Variants in DPH6 observed in about 807,000 individuals in gnomAD.
DPH6 encodes diphthine--ammonia ligase.
In DPH6, 33 loss-of-function variants were observed where a neutral mutation model predicts 38.2. The ratio of observed to expected loss-of-function variants is 0.86; its 90% CI spans 0.65 to 1.15. The LOEUF is 1.15. Ranked by LOEUF, DPH6 falls within the 50% of genes most tolerant of loss-of-function variation. The pLI is 0.00. For missense variants in DPH6, 325 were observed against 320.0 expected, an observed-to-expected ratio of 1.02 and a Z score of -0.12; for synonymous variants, 108 against 103.0, an observed-to-expected ratio of 1.05 and a Z score of -0.30.
At chr15:35,252,108 C>T (rs2051679082) in intron 3 of DPH6, among the ~76,000 whole-genome samples, 1 of 152,176 alleles carries the variant, frequency 6.6e-6, no homozygotes, top group South Asian at 2.1e-4. Context: ...GCAACAAGAG[C>T]CAGAGTCCAT....
intron 3 of DPH6, among the ~76,000 whole-genome samples, chr15:35,223,633 C>T (rs988102943): frequency 5.3e-5 from 8 of 151,856 alleles, no homozygotes; most frequent in Non-Finnish European, 1.2e-4. Context: ...TTGCAGTGAG[C>T]GGAGATCGCG....
At chr15:35,383,130 T>A (rs11637407) in intron 6 of DPH6, among the ~76,000 whole-genome samples, 40,743 of 152,138 alleles carry the variant, frequency 0.27, 5,673 homozygotes, top group South Asian at 0.38. Context: ...AGCATTCTTT[T>A]ATTAGAAAAT....
chr15:35,410,993 G>C, intron 5 of DPH6, 97 bp from the exon 6 acceptor site: 1 of 1,053,790 alleles, frequency 9.5e-7, no homozygotes, highest in East Asian at 2.6e-5. Flanking sequence ...TAGAAAAGCA[G>C]TGTGTATATA....
In DPH6 at chr15:35,245,301, C is replaced by G. The variant is rs1481535554; in HGVS notation, n.201-24719G>C. On this transcript the variant is annotated intron_variant and non_coding_transcript_variant, in intron 3 of 3. Coordinates refer to the DPH6 transcript ENST00000560386. ...TCGCCCAGGCTGGAGTGCAGTGGTGCCATCTCGGCTCACTGCAAGCTCCGC... is the reference window on the plus strand; with the variant it reads ...TCGCCCAGGCTGGAGTGCAGTGGTGGCATCTCGGCTCACTGCAAGCTCCGC... Among the ~76,000 whole-genome samples the G allele has an allele frequency of 2.2e-5, 3 of 134,150 alleles. No homozygotes were observed. In the Admixed American group the frequency reaches 2.6e-4, roughly 12 times the overall value. The allele number at this position is 134,150 out of a possible 152,430, so 88.0% of individuals were successfully genotyped here. A position where few individuals can be genotyped will look rare whatever the true frequency, so the allele number is the denominator to read the frequency against.
chr15:35,320,272 T>C (rs2052228325), intron 3 of DPH6, among the ~76,000 whole-genome samples: 2 of 152,220 alleles, frequency 1.3e-5, no homozygotes, highest in East Asian at 1.9e-4. Flanking sequence ...CTGGTTCTTA[T>C]ATTGTTAGCT....
chr15:35,460,955 G>A (rs1017035151), intron 3 of DPH6, among the ~76,000 whole-genome samples: 3 of 147,596 alleles, frequency 2.0e-5, no homozygotes, highest in African/African-American at 7.4e-5. Context: ...ACACCTATCT[G>A]TAGGCAAAAG....
chr15:35,176,253 A>C, the DPH6 span, among the ~76,000 whole-genome samples: 1 of 152,180 alleles, frequency 6.6e-6, no homozygotes, highest in African/African-American at 2.4e-5. Flanking sequence ...TACTCTTATC[A>C]CTACGTCTTT....
rs1165939476 is a variant in DPH6, at chr15:35,496,567, A to AAT, written c.312+41705_312+41706dup. 2.5e-3 allele frequency among the ~76,000 whole-genome samples: 79 copies of AAT among 31,014 alleles called. 7 individuals are homozygous for AAT. Among genetic ancestry groups the AAT allele is most frequent in the South Asian group, 8.8e-3 (3 of 340 alleles). 20.3% of individuals were successfully genotyped at this position (31,014 alleles called of 152,430 possible). On this transcript the variant is annotated intron_variant, in intron 3 of 8. Transcript: ENST00000256538. ...GAAAGTTCCATCTCAAAAAAAAAAA[A>AAT]ATATATATATATATATATATATATC...
chr15:35,477,637 G>A (rs1242131874), intron 3 of DPH6, among the ~76,000 whole-genome samples: 2 of 151,738 alleles, frequency 1.3e-5, no homozygotes, highest in Non-Finnish European at 3.0e-5. Context: ...CCTTGTCACA[G>A]CCTAAAATTA....
chr15:35,460,789 G>T (rs547024752), intron 3 of DPH6, among the ~76,000 whole-genome samples: 1 of 150,764 alleles, frequency 6.6e-6, no homozygotes, highest in South Asian at 2.1e-4. Flanking sequence ...CTGTCAATAT[G>T]AATCACACCT....
intron 3 of DPH6, among the ~76,000 whole-genome samples, chr15:35,486,823 A>T (rs901612918): frequency 2.6e-5 from 4 of 152,322 alleles, no homozygotes; most frequent in African/African-American, 9.6e-5. Flanking sequence ...GTCTCATCTG[A>T]GACAAAGCAA....
intron 3 of DPH6, among the ~76,000 whole-genome samples, chr15:35,283,757 T>TACAC (rs3028682): frequency 0.052 from 7,239 of 140,508 alleles, 228 homozygotes; most frequent in East Asian, 0.15. Flanking sequence ...GCACAGATAG[T>TACAC]ACACACACAC....
At chr15:35,374,165 C>G (rs1302519789) in intron 7 of DPH6, among the ~76,000 whole-genome samples, 1 of 151,942 alleles carries the variant, frequency 6.6e-6, no homozygotes, top group African/African-American at 2.4e-5. Flanking sequence ...CATGCTGGCA[C>G]CATATGGATA....
intron 3 of DPH6, among the ~76,000 whole-genome samples, chr15:35,267,082 G>C (rs1478331222): frequency 6.6e-6 from 1 of 152,044 alleles, no homozygotes; most frequent in Non-Finnish European, 1.5e-5. Flanking sequence ...ATGAAGGATA[G>C]GATAAATAAA....
chr15:35,328,232 A>T (rs1169863836), downstream of DPH6, among the ~76,000 whole-genome samples: 1 of 152,088 alleles, frequency 6.6e-6, no homozygotes, highest in Non-Finnish European at 1.5e-5. Flanking sequence ...CCTAGGCTTT[A>T]AAATGCTATT....
chr15:35,454,361 A>C (rs1236596517), intron 4 of DPH6, among the ~76,000 whole-genome samples: 3 of 152,186 alleles, frequency 2.0e-5, no homozygotes. Flanking sequence ...ACTCCTTAGT[A>C]AACATTTTTT....
intron 3 of DPH6, among the ~76,000 whole-genome samples, chr15:35,292,233 C>T (rs371883761): frequency 3.9e-4 from 59 of 152,090 alleles, no homozygotes; most frequent in African/African-American, 1.3e-3. Flanking sequence ...AAAGTAAACA[C>T]GCTCCAGACA....
chr15:35,347,796 A>G (rs1367734553), intron 3 of DPH6, among the ~76,000 whole-genome samples: 1 of 151,920 alleles, frequency 6.6e-6, no homozygotes, highest in Non-Finnish European at 1.5e-5. Context: ...ATTTCTCCTC[A>G]TCTTCAAGAA....
intron 7 of DPH6, among the ~76,000 whole-genome samples, chr15:35,375,360 AG>A (rs1406224213): frequency 6.6e-6 from 1 of 152,102 alleles, no homozygotes; most frequent in Non-Finnish European, 1.5e-5. Flanking sequence ...ACTTATACAA[AG>A]GAAGAGTCAA....
Sources: allele counts gnomAD v4.1 joint callset (sites outside exome capture counted in the v4.1 genomes callset), GRCh38; gene constraint gnomAD v4.1.1; transcripts MANE v1.5; gene names NCBI Gene and HGNC (gene_info 2026-07-23, HGNC 2026-07-21).